The following AK4 variants were observed in gnomAD, a reference collection of about 807,000 sequenced individuals.
AK4 encodes the protein adenylate kinase 4, also known as adenylate kinase 4, mitochondrial.
A neutral mutation model predicts 24.6 loss-of-function variants in AK4; 13 were observed. The ratio of observed to expected loss-of-function variants is 0.53; its 90% CI spans 0.34 to 0.84. The LOEUF is 0.84. Among genes scored for constraint, AK4 ranks in the 40% least tolerant of loss-of-function variants. The probability of loss-of-function intolerance (pLI) is 0.01; values close to 1 mark genes in which losing one functional copy is unlikely to be tolerated. For synonymous variants in AK4, 88 were observed against 107.0 expected (o/e 0.82, Z 1.10); for missense variants, 192 against 288.2 (o/e 0.67, Z 2.42).
chr1:65,194,727 G>A (rs1651416530), intron 2 of AK4, among the ~76,000 whole-genome samples: 1 of 152,230 alleles, frequency 6.6e-6, no homozygotes, highest in African/African-American at 2.4e-5. Context: ...CTCCCAAAGT[G>A]TTGGGATTAC....
chr1:65,194,023 T>C (rs1157614602), intron 2 of AK4, among the ~76,000 whole-genome samples: 3 of 152,132 alleles, frequency 2.0e-5, no homozygotes, highest in African/African-American at 4.8e-5. Flanking sequence ...CCTGAGAGGT[T>C]GAGGCAGCAG....
chr1:65,216,046 A>G (rs975264081), intron 2 of AK4, among the ~76,000 whole-genome samples: 1 of 152,202 alleles, frequency 6.6e-6, no homozygotes, highest in Non-Finnish European at 1.5e-5. Context: ...GTTTACATTT[A>G]TCAGTGAGAA....
At chr1:65,191,053 T>C (rs1570109409) in intron 2 of AK4, among the ~76,000 whole-genome samples, 1 of 152,240 alleles carries the variant, frequency 6.6e-6, no homozygotes, top group East Asian at 1.9e-4. Context: ...GAAGCAAATA[T>C]TCACTAAATT....
chr1:65,192,701 A>C (rs1252436788), intron 2 of AK4, among the ~76,000 whole-genome samples: 2 of 152,234 alleles, frequency 1.3e-5, no homozygotes, highest in Non-Finnish European at 2.9e-5. Flanking sequence ...CTGTGAAATC[A>C]AAGCAAGTCA....
At position 65,187,131 on chromosome 1, in the gene AK4, G is replaced by A. The variant is rs187045278; in HGVS notation, c.146-3579G>A. Among the ~76,000 whole-genome samples the A allele has an allele frequency of 7.3e-3, 1,115 of 151,956 alleles. 12 individuals carry two copies. The highest frequency in any genetic ancestry group is 0.024 in the Middle Eastern group (7 of 290). ...TCCCAGCACTTTGGGAGGCTGAGGC[G>A]GGCGGATCATGAGGTCAGGAGATCG... On this transcript the variant is annotated intron_variant, in intron 1 of 4. Transcript: ENST00000327299.
intron 2 of AK4, among the ~76,000 whole-genome samples, chr1:65,197,991 A>T (rs772614981): frequency 6.6e-6 from 1 of 152,150 alleles, no homozygotes; most frequent in Non-Finnish European, 1.5e-5. Flanking sequence ...TGTATAATAG[A>T]TTTGTTTAGA....
chr1:65,148,702 G>T, intron 1 of AK4, 150 bp downstream of exon 1: 6 of 1,279,104 alleles, frequency 4.7e-6, no homozygotes, highest in Non-Finnish European at 6.0e-6. Flanking sequence ...TGCAGCTGGC[G>T]GCCGCGCGGC....
chr1:65,205,379 T>G (rs1368794373), intron 2 of AK4, among the ~76,000 whole-genome samples: 1 of 152,040 alleles, frequency 6.6e-6, no homozygotes, highest in Non-Finnish European at 1.5e-5. Context: ...GGACTACAGG[T>G]GTATGCTGCT....
intron 1 of AK4, among the ~76,000 whole-genome samples, chr1:65,180,870 C>A (rs149730510): frequency 6.6e-6 from 1 of 152,070 alleles, no homozygotes; most frequent in African/African-American, 2.4e-5. Context: ...AGGGATGATA[C>A]CAGGGTGAGC....
intron 3 of AK4, among the ~76,000 whole-genome samples, chr1:65,221,769 C>T (rs923000863): frequency 1.3e-5 from 2 of 152,326 alleles, no homozygotes; most frequent in East Asian, 3.9e-4. Flanking sequence ...AGCCTTACCA[C>T]TGAGTTGCTT....
At chr1:65,210,158 C>T (rs1651927354) in intron 2 of AK4, among the ~76,000 whole-genome samples, 1 of 152,162 alleles carries the variant, frequency 6.6e-6, no homozygotes, top group Non-Finnish European at 1.5e-5. Context: ...TGGTAGAGCA[C>T]TTGCCCTTAT....
intron 1 of AK4, among the ~76,000 whole-genome samples, chr1:65,167,599 C>T (rs530141792): frequency 5.3e-5 from 8 of 151,318 alleles, no homozygotes; most frequent in Non-Finnish European, 1.2e-4. Context: ...TTCTAGGGTT[C>T]TTAGAGACTA....
At chr1:65,178,685 T>G (rs1650800066) in intron 1 of AK4, among the ~76,000 whole-genome samples, 1 of 152,122 alleles carries the variant, frequency 6.6e-6, no homozygotes, top group Non-Finnish European at 1.5e-5. Flanking sequence ...CCAACTCCAG[T>G]GTGGGAAGCT....
At chr1:65,201,027 C>T (rs749729749) in intron 2 of AK4, among the ~76,000 whole-genome samples, 1 of 152,018 alleles carries the variant, frequency 6.6e-6, no homozygotes, top group South Asian at 2.1e-4. Context: ...CTCTTGACCT[C>T]GTGATCTGCC....
intron 2 of AK4, among the ~76,000 whole-genome samples, chr1:65,208,664 G>T (rs564738538): frequency 1.3e-5 from 2 of 152,364 alleles, no homozygotes; most frequent in South Asian, 4.1e-4. Context: ...CCAGGCGGAT[G>T]TTGGAAGTTG....
chr1:65,150,789 C>T (rs1230330338), intron 1 of AK4, among the ~76,000 whole-genome samples: 1 of 152,098 alleles, frequency 6.6e-6, no homozygotes, highest in Admixed American at 6.5e-5. Flanking sequence ...AAAGTAGCTC[C>T]GGCCATCTGC....
chr1:65,147,735 G>C (rs867766033), upstream of AK4: 1 of 152,110 alleles, frequency 6.6e-6, no homozygotes, highest in Non-Finnish European at 1.5e-5. Flanking sequence ...CCCATGGCCG[G>C]GGAGCGCATC....
At position 65,188,132 on chromosome 1, in the gene AK4, T is replaced by G. The variant is rs914495630; in HGVS notation, c.146-2578T>G. Among the ~76,000 whole-genome samples the G allele has an allele frequency of 3.9e-4, 59 of 152,098 alleles. 1 individual carries two copies. The highest frequency in any genetic ancestry group is 1.4e-3 in the African/African-American group (59 of 41,424). On this transcript the variant is annotated intron_variant, in intron 1 of 4. Transcript: ENST00000327299. ...TGGGGAGGCCAGGCATGGTGTCTCA[T>G]GCCTGTAATCCCAGCACTTTGGGAG...
intron 1 of AK4, among the ~76,000 whole-genome samples, chr1:65,153,403 G>C (rs1409515456): frequency 6.6e-6 from 1 of 152,054 alleles, no homozygotes; most frequent in Non-Finnish European, 1.5e-5. Context: ...TTAAGTAGCT[G>C]GGGCTACAGG....
Sources: gnomAD v4.1 joint callset for allele counts (sites outside exome capture counted in the v4.1 genomes callset) on GRCh38, gnomAD v4.1.1 for gene constraint, MANE v1.5 for transcripts, NCBI Gene and HGNC (gene_info 2026-07-23, HGNC 2026-07-21) for gene names.